Variants in ZNF75A observed in about 807,000 individuals in gnomAD.
ZNF75A encodes the protein zinc finger protein 75A.
ZNF75A carries 36 observed loss-of-function variants against 46.3 expected under a neutral mutation model. The observed-to-expected ratio is 0.78, with a 90% CI of 0.60 to 1.03. The LOEUF (loss-of-function observed/expected upper bound fraction) is 1.03. Among genes scored for constraint, ZNF75A ranks in the 50% least tolerant of loss-of-function variants. ZNF75A has a pLI of 0.00. For synonymous variants in ZNF75A, 234 were observed against 189.9 expected, an observed-to-expected ratio of 1.23 and a Z score of -1.91; for missense variants, 595 against 551.3, an observed-to-expected ratio of 1.08 and a Z score of -0.79.
chr16:3,310,685 C>T (rs543173541), intron 2 of ZNF75A: 2 of 985,470 alleles, frequency 2.0e-6, no homozygotes, highest in South Asian at 9.4e-5. Flanking sequence ...GAAAAGAAAA[C>T]ATAGAAAAAA....
At chr16:3,310,827 T>A (rs1421088903) in intron 2 of ZNF75A, 1 of 985,444 alleles carries the variant, frequency 1.0e-6, no homozygotes, top group African/African-American at 1.7e-5. Flanking sequence ...GTTCCTTGGC[T>A]CTGCTGACAA....
At chr16:3,322,944 T>A (rs1245691398), downstream of ZNF75A, 1 of 985,118 alleles carries the variant, frequency 1.0e-6, no homozygotes, top group Admixed American at 6.2e-5. Flanking sequence ...CAGGACTACT[T>A]CCGCCGACAA....
At position 3,317,794 on chromosome 16, in the gene ZNF75A, A is replaced by C; in HGVS notation, c.1539A>C (p.Pro513=). The stretch of plus-strand genomic sequence containing the variant: ...GGAGAACCCACACAGGTGAGCAGCC[A>C]TATACTTGTAGCATATGCAGGAGAA... The part of the protein sequence containing the change: ...KHRRTHTGEQ[P]YTCSICRRNF... Residue 513 remains proline, a synonymous_variant, in exon 7 of 7, where the codon CCA becomes CCC. Transcript: ENST00000669516. 1 of 1,614,214 alleles carries C rather than the reference A, an allele frequency of 6.2e-7. No homozygotes were observed.
downstream of ZNF75A, among the ~76,000 whole-genome samples, chr16:3,320,472 G>T (rs758955001): frequency 2.0e-5 from 3 of 152,146 alleles, no homozygotes; most frequent in Non-Finnish European, 4.4e-5. Context: ...GCTTCCCGTG[G>T]ATACTAAACT....
intron 4 of ZNF75A, 43 bp downstream of exon 4, chr16:3,312,811 T>C: frequency 8.8e-7 from 1 of 1,139,724 alleles, no homozygotes; most frequent in South Asian, 2.6e-5. Flanking sequence ...CTTTCTCTGC[T>C]ATGTATGATT....
At chr16:3,320,508 A>G (rs1489936903), downstream of ZNF75A, among the ~76,000 whole-genome samples, 3 of 152,166 alleles carry the variant, frequency 2.0e-5, no homozygotes, top group Admixed American at 6.5e-5. Context: ...TAATGGGACC[A>G]CTTAAGACCT....
chr16:3,322,977 G>A, downstream of ZNF75A: 1 of 978,042 alleles, frequency 1.0e-6, no homozygotes, highest in Non-Finnish European at 1.2e-6. Context: ...TGTAGAAAAT[G>A]CTGGAATTTT....
In ZNF75A at chr16:3,313,735, T is replaced by G. The variant is rs572836883; in HGVS notation, c.823+560T>G. ...AAGCTAGATTGATCTTTTAAAAACC[T>G]AATCAGATCATGACATTTCCTTTCC... On this transcript the variant is annotated intron_variant, in intron 5 of 6. Transcript: ENST00000669516. Among the ~76,000 whole-genome samples the G allele has an allele frequency of 2.0e-5, 3 of 152,300 alleles. No individual in the cohort carries two copies. In the South Asian group the frequency reaches 6.2e-4, roughly 32 times the overall value.
At chr16:3,306,410 A>G (rs1432129128) in intron 1 of ZNF75A, 1 of 152,180 alleles carries the variant, frequency 6.6e-6, no homozygotes, top group Non-Finnish European at 1.5e-5. Flanking sequence ...AGATCAAGTA[A>G]GCACAGTTAA....
chr16:3,322,837 C>A (rs901022968), downstream of ZNF75A: 7 of 898,192 alleles, frequency 7.8e-6, no homozygotes, highest in Non-Finnish European at 9.3e-6. Flanking sequence ...TGTCCCTGGG[C>A]TTGGTCGACT....
chr16:3,323,254 G>A, downstream of ZNF75A: 1 of 793,564 alleles, frequency 1.3e-6, no homozygotes, highest in South Asian at 1.3e-5. Flanking sequence ...ATCTCCTTGA[G>A]GAAGCCCACT....
chr16:3,306,693 CAG>C (rs1188745345), intron 1 of ZNF75A: 1 of 151,242 alleles, frequency 6.6e-6, no homozygotes, highest in East Asian at 1.9e-4. Flanking sequence ...GCCTGGGTGA[CAG>C]GGCGAGACTC....
In ZNF75A at chr16:3,314,628, T is replaced by C. The variant is rs942796832; in HGVS notation, c.823+1453T>C. On this transcript the variant is annotated intron_variant, in intron 5 of 6. Transcript: ENST00000669516. ...TCGCCCCCGTGGGCCCCCGCCTTTT[T>C]TTTTCTTAAATCGTATTCTGTTAAT... 1.1e-5 allele frequency: 11 copies of C among 983,102 alleles called. 1 individual carries two copies. In the South Asian group the frequency reaches 4.2e-4, roughly 38 times the overall value. The allele number at this position is 983,102 out of a possible 1,614,324, so 60.9% of individuals were successfully genotyped here.
chr16:3,319,783 A>ATTTTTTTT (rs55767869), downstream of ZNF75A, among the ~76,000 whole-genome samples: 3 of 133,296 alleles, frequency 2.3e-5, no homozygotes, highest in Non-Finnish European at 3.1e-5. Flanking sequence ...GAAGCTTTTC[A>ATTTTTTTT]TTTTTTTTTT....
At chr16:3,319,823 ACAAGGCCAG>A (rs1961461887), downstream of ZNF75A, among the ~76,000 whole-genome samples, 1 of 144,666 alleles carries the variant, frequency 6.9e-6, no homozygotes, top group Non-Finnish European at 1.5e-5. Context: ...TTTTGCTGGT[ACAAGGCCAG>A]TGCTCTCCTT....
chr16:3,320,654 C>T (rs150083103), downstream of ZNF75A, among the ~76,000 whole-genome samples: 64 of 152,296 alleles, frequency 4.2e-4, no homozygotes, highest in African/African-American at 1.5e-3. Flanking sequence ...TGTCTCCCTG[C>T]GCGTTGCCTC....
Position 3,318,434 on chromosome 16 carries a change from G to C in ZNF75A, c.*565G>C. 1 of 985,562 alleles carries C rather than the reference G, an allele frequency of 1.0e-6. No individual in the cohort carries two copies. Among genetic ancestry groups the C allele is most frequent in the Non-Finnish European group, 1.2e-6 (1 of 830,120 alleles). The allele number at this position is 985,562 out of a possible 1,614,324, so 61.1% of individuals were successfully genotyped here. ...TCTCCAGATGAACTATTAATGCACT[G>C]TCTTATGCCTCTCATTGGTGATGTT... On this transcript the variant is annotated 3_prime_UTR_variant, in exon 7 of 7. Transcript: ENST00000669516.
rs1327178223 is a variant in ZNF75A at position 3,318,039 on chromosome 16, GTCT to G, written c.*174_*176del. 4.3e-6 allele frequency: 6 copies of G among 1,400,652 alleles called. No individual in the cohort carries two copies. Among genetic ancestry groups the G allele is most frequent in the Non-Finnish European group, 4.6e-6 (5 of 1,083,896 alleles). The allele number at this position is 1,400,652 out of a possible 1,614,324, so 86.8% of individuals were successfully genotyped here. ...AGACTTGCTCTGCAGCCACTCAGTA[GTCT>G]TCTGTGGTCACAGAAGTAAACATTG... On this transcript the variant is annotated 3_prime_UTR_variant, in exon 7 of 7. Coordinates refer to ENST00000669516, the MANE Select transcript of ZNF75A (RefSeq NM_001302109.2).
chr16:3,315,008 G>T (rs990079697), intron 5 of ZNF75A: 2 of 985,044 alleles, frequency 2.0e-6, no homozygotes, highest in African/African-American at 3.5e-5. Flanking sequence ...GGAGGGTGTA[G>T]GTGGTGTATC....
Sources: allele counts gnomAD v4.1 joint callset (sites outside exome capture counted in the v4.1 genomes callset), GRCh38; gene constraint gnomAD v4.1.1; transcripts MANE v1.5; gene names NCBI Gene and HGNC (gene_info 2026-07-23, HGNC 2026-07-21).